OPCML: variants seen among roughly 807,000 people sequenced by gnomAD.
The protein encoded by OPCML is opioid-binding protein/cell adhesion molecule.
Under a neutral mutation model 37.8 loss-of-function variants are expected in OPCML, and 13 were observed. That is an observed-to-expected ratio of 0.34 (90% confidence interval 0.22 to 0.55). The LOEUF (loss-of-function observed/expected upper bound fraction) is 0.55, where lower values mean the gene tolerates loss of function less well. Among genes scored for constraint, OPCML ranks in the 20% least tolerant of loss-of-function variants. The pLI is 0.91. For missense variants in OPCML, 341 were observed against 435.6 expected, an observed-to-expected ratio of 0.78 and a Z score of 1.93; for synonymous variants, 176 against 168.8, an observed-to-expected ratio of 1.04 and a Z score of -0.33.
At chr11:133,290,780 T>A (rs1401372399) in intron 1 of OPCML, among the ~76,000 whole-genome samples, 1 of 152,256 alleles carries the variant, frequency 6.6e-6, no homozygotes, top group Non-Finnish European at 1.5e-5. Flanking sequence ...AGAGCTTCCA[T>A]TTCCACTGAG....
chr11:133,377,612 G>GAAGAAAAAAAAAAAAAAAA (rs1944837069), intron 1 of OPCML, among the ~76,000 whole-genome samples: 1 of 79,088 alleles, frequency 1.3e-5, no homozygotes, highest in Non-Finnish European at 2.3e-5. Flanking sequence ...CCAGTATTCA[G>GAAGAAAAAAAAAAAAAAAA]AAAAAAAAAA....
chr11:133,204,100 A>C lies in OPCML; in HGVS notation c.62-261090T>G, dbSNP rs374505912. Among the ~76,000 whole-genome samples the C allele has an allele frequency of 1.4e-4, 21 of 150,860 alleles. No individual in the cohort carries two copies. In the East Asian group the frequency reaches 1.5e-3, roughly 11 times the overall value. ...AAAAAAAAAAAAAATGCAAAGGACA[A>C]GGGACCTTTTTTGTCTTAACTGATA... On this transcript the variant is annotated intron_variant, in intron 1 of 7. Transcript: ENST00000524381.
At chr11:133,313,961 C>G (rs7930006) in intron 1 of OPCML, among the ~76,000 whole-genome samples, 1 of 151,876 alleles carries the variant, frequency 6.6e-6, no homozygotes, top group East Asian at 1.9e-4. Flanking sequence ...TCAGGCTGGG[C>G]GCAGTGGCTC....
At chr11:132,957,782 G>A (rs1946002860) in intron 1 of OPCML, among the ~76,000 whole-genome samples, 1 of 151,978 alleles carries the variant, frequency 6.6e-6, no homozygotes, top group Non-Finnish European at 1.5e-5. Context: ...TAATTGTTTT[G>A]GGGCAGCACG....
chr11:133,407,379 T>A (rs1412686731), intron 1 of OPCML, among the ~76,000 whole-genome samples: 3 of 152,142 alleles, frequency 2.0e-5, no homozygotes, highest in Non-Finnish European at 4.4e-5. Context: ...TGCGTACATG[T>A]GAATTGCTGC....
chr11:133,501,954 C>T (rs1255600051), intron 1 of OPCML, among the ~76,000 whole-genome samples: 1 of 152,130 alleles, frequency 6.6e-6, no homozygotes, highest in Non-Finnish European at 1.5e-5. Flanking sequence ...AAAGCATCTC[C>T]TCCACAGCCG....
chr11:132,515,155 T>C (rs1939970), intron 4 of OPCML, among the ~76,000 whole-genome samples: 31,443 of 151,962 alleles, frequency 0.21, 3,320 homozygotes, highest in Non-Finnish European at 0.23. Context: ...CTTTACTAAA[T>C]CTTTCTCTTA....
chr11:133,005,130 G>T (rs1947082467), intron 1 of OPCML: 1 of 985,220 alleles, frequency 1.0e-6, no homozygotes, highest in African/African-American at 1.7e-5. Flanking sequence ...AACTTAGAAT[G>T]AAATCCCTGC....
chr11:132,515,701 C>T (rs2096278109), intron 4 of OPCML, among the ~76,000 whole-genome samples: 1 of 152,184 alleles, frequency 6.6e-6, no homozygotes, highest in South Asian at 2.1e-4. Context: ...TTCTGAATCT[C>T]ATACAGAGAA....
intron 1 of OPCML, among the ~76,000 whole-genome samples, chr11:133,328,930 A>C (rs555016248): frequency 6.6e-6 from 1 of 152,292 alleles, no homozygotes; most frequent in East Asian, 1.9e-4. Context: ...ATATCTAGAA[A>C]ACCCCATCGT....
At position 133,532,436 on chromosome 11, in the gene OPCML, A is replaced by G; in HGVS notation, c.-112T>C. 7.6e-7 allele frequency: 1 copy of G among 1,318,918 alleles called. No individual in the cohort carries two copies. Among genetic ancestry groups the G allele is most frequent in the Non-Finnish European group, 1.1e-6 (1 of 940,338 alleles). 81.7% of individuals were successfully genotyped at this position (1,318,918 alleles called of 1,614,324 possible). On this transcript the variant is annotated 5_prime_UTR_variant, in exon 1 of 8. Transcript: ENST00000524381. Reference sequence around the variant, plus strand: ...AGCAGGTTTAAATCCAATGTTTGCAAAGGGAGGGAGAGAGCAGAAGAGAGA... The same window carrying G: ...AGCAGGTTTAAATCCAATGTTTGCAGAGGGAGGGAGAGAGCAGAAGAGAGA...
In OPCML at chr11:133,462,329, GTAGA is replaced by G. The variant is rs369167577; in HGVS notation, c.61+69931_61+69934del. 4.0e-3 allele frequency among the ~76,000 whole-genome samples: 610 copies of G among 151,998 alleles called. 9 individuals are homozygous for G. Among genetic ancestry groups the G allele is most frequent in the Non-Finnish European group, 7.0e-3 (474 of 67,868 alleles). On this transcript the variant is annotated intron_variant, in intron 1 of 7. Coordinates refer to ENST00000524381, the MANE Select transcript of OPCML (RefSeq NM_001012393.5). ...ACCAAAAACACAGACAACAAAAACA[GTAGA>G]TAAATTGGACTTCATCAGAATTAAA...
At chr11:132,549,029 C>T (rs371045936) in intron 3 of OPCML, among the ~76,000 whole-genome samples, 5 of 152,062 alleles carry the variant, frequency 3.3e-5, no homozygotes, top group East Asian at 1.9e-4. Flanking sequence ...AAAATGTGGT[C>T]GAGACCTCCT....
chr11:132,746,724 A>T (rs1945647718), intron 2 of OPCML, among the ~76,000 whole-genome samples: 1 of 152,178 alleles, frequency 6.6e-6, no homozygotes, highest in South Asian at 2.1e-4. Flanking sequence ...TTCATAACGT[A>T]GCATCACAGA....
At chr11:133,504,760 T>C (rs1947990617) in intron 1 of OPCML, among the ~76,000 whole-genome samples, 1 of 152,212 alleles carries the variant, frequency 6.6e-6, no homozygotes. Context: ...CTGCTAGGTT[T>C]TGTGTTTCTG....
At chr11:132,708,164 T>G (rs922194238) in intron 2 of OPCML, among the ~76,000 whole-genome samples, 1 of 152,194 alleles carries the variant, frequency 6.6e-6, no homozygotes, top group African/African-American at 2.4e-5. Context: ...AGTATTTGTG[T>G]AAGAAGTACT....
rs533677274 is a variant in OPCML at position 132,989,945 on chromosome 11, A to C, written c.62-46935T>G. 2.6e-5 allele frequency among the ~76,000 whole-genome samples: 4 copies of C among 152,234 alleles called. No homozygotes were observed. In the South Asian group the frequency reaches 6.2e-4, roughly 24 times the overall value. On this transcript the variant is annotated intron_variant, in intron 1 of 7. Transcript: ENST00000524381. ...CCTTGGATGATTTTCCTGGTGTACC[A>C]AGGTCATATCAAGAAAAGAAAGGCA...
At chr11:132,979,313 C>CA (rs1946533654) in intron 1 of OPCML, among the ~76,000 whole-genome samples, 1 of 152,178 alleles carries the variant, frequency 6.6e-6, no homozygotes, top group Admixed American at 6.5e-5. Context: ...CCCTTTCACT[C>CA]AGAGTACAGA....
At position 132,850,738 on chromosome 11, in the gene OPCML, G is replaced by C. The variant is rs186403118; in HGVS notation, c.146+92188C>G. Reference sequence around the variant, plus strand: ...CACCTCCTAAACCTCAGTCAACTAAGCTTAAATTCAGACAGGAAACTAGCA... The same window carrying C: ...CACCTCCTAAACCTCAGTCAACTAACCTTAAATTCAGACAGGAAACTAGCA... On this transcript the variant is annotated intron_variant, in intron 2 of 7. Transcript: ENST00000524381. Among the ~76,000 whole-genome samples, 5 of 152,274 alleles carry C rather than the reference G, an allele frequency of 3.3e-5. No individual in the cohort carries two copies. The East Asian group carries it at 9.6e-4, about 29-fold the overall frequency.
Sources: allele counts gnomAD v4.1 joint callset (sites outside exome capture counted in the v4.1 genomes callset), GRCh38; gene constraint gnomAD v4.1.1; transcripts MANE v1.5; gene names NCBI Gene and HGNC (gene_info 2026-07-23, HGNC 2026-07-21).